C8orf34: variants seen among roughly 807,000 people sequenced by gnomAD.
C8orf34 encodes the protein uncharacterized protein C8orf34.
In C8orf34, 65 loss-of-function variants were observed where a neutral mutation model predicts 68.3. The ratio of observed to expected loss-of-function variants is 0.95; its 90% CI spans 0.78 to 1.17. The LOEUF is 1.17. Ranked by LOEUF, C8orf34 falls within the 50% of genes most tolerant of loss-of-function variation. The pLI is 0.00. For synonymous variants in C8orf34, 244 were observed against 241.2 expected, an observed-to-expected ratio of 1.01 and a Z score of -0.11; for missense variants, 664 against 655.4, an observed-to-expected ratio of 1.01 and a Z score of -0.14.
chr8:68,489,512 A>G (rs561571295), intron 5 of C8orf34, among the ~76,000 whole-genome samples: 25 of 152,350 alleles, frequency 1.6e-4, no homozygotes, highest in Middle Eastern at 3.4e-3. Flanking sequence ...TTTGTGTTTC[A>G]TATACATTTT....
At chr8:68,626,926 A>T (rs1352749158) in intron 7 of C8orf34, among the ~76,000 whole-genome samples, 1 of 152,162 alleles carries the variant, frequency 6.6e-6, no homozygotes, top group Non-Finnish European at 1.5e-5. Flanking sequence ...AAAAAGACTG[A>T]CTTAACTCTC....
At chr8:68,550,417 A>G (rs1294227040) in intron 7 of C8orf34, among the ~76,000 whole-genome samples, 2 of 151,846 alleles carry the variant, frequency 1.3e-5, no homozygotes, top group Admixed American at 6.6e-5. Flanking sequence ...TATTATTGCC[A>G]TCATTTACTT....
chr8:68,412,114 C>T (rs1047057866), intron 1 of C8orf34, among the ~76,000 whole-genome samples: 2 of 152,170 alleles, frequency 1.3e-5, no homozygotes, highest in African/African-American at 4.8e-5. Context: ...TCTTGGACTT[C>T]TCAGCCTCCA....
intron 1 of C8orf34, among the ~76,000 whole-genome samples, chr8:68,423,736 C>T (rs1810085048): frequency 6.6e-6 from 1 of 152,074 alleles, no homozygotes; most frequent in Non-Finnish European, 1.5e-5. Context: ...TGAAGAAATA[C>T]CCAAGACTGG....
chr8:68,471,711 T>C (rs1812384708), intron 4 of C8orf34, among the ~76,000 whole-genome samples: 1 of 152,126 alleles, frequency 6.6e-6, no homozygotes, highest in Admixed American at 6.6e-5. Flanking sequence ...AGTGGCATAA[T>C]CATTGATGCA....
Position 68,439,620 on chromosome 8 carries a change from C to G in C8orf34, c.449C>G (p.Ala150Gly), listed in dbSNP as rs1378687027. The change falls in exon 2 of 14, where the codon GCT becomes GGT. Residue 150 changes from alanine (A) to glycine (G), a missense_variant. Transcript: ENST00000518698. The stretch of plus-strand genomic sequence containing the variant: ...CAAAGAACTTTGTCTGGATCTGCAG[C>G]TCTATGGGCAGAAAGTGAAAAATCA... ...QLQRTLSGSA[A>G]LWAESEKSES... 2 of 1,612,408 alleles carry G rather than the reference C, an allele frequency of 1.2e-6. No individual in the cohort carries two copies. The highest frequency in any genetic ancestry group is 2.2e-5 in the East Asian group (1 of 44,794).
intron 12 of C8orf34, among the ~76,000 whole-genome samples, chr8:68,813,103 T>A (rs1443978573): frequency 4.6e-5 from 7 of 152,226 alleles, no homozygotes; most frequent in African/African-American, 1.7e-4. Flanking sequence ...CATATGGCGT[T>A]ATCCTCAAGA....
At chr8:68,356,377 A>T (rs1806749520) in intron 1 of C8orf34, among the ~76,000 whole-genome samples, 1 of 152,120 alleles carries the variant, frequency 6.6e-6, no homozygotes, top group Non-Finnish European at 1.5e-5. Flanking sequence ...ATCTACCGAG[A>T]AAAATAAACA....
intron 10 of C8orf34, among the ~76,000 whole-genome samples, chr8:68,762,529 T>G (rs886585251): frequency 5.9e-5 from 9 of 152,234 alleles, no homozygotes; most frequent in African/African-American, 2.2e-4. Flanking sequence ...GGCTTTTAGA[T>G]TCCCAGACTT....
chr8:68,709,116 A>G, intron 9 of C8orf34, 37 bp downstream of exon 9: 1 of 1,469,252 alleles, frequency 6.8e-7, no homozygotes, highest in Non-Finnish European at 9.5e-7. Context: ...TTGCAGTTCT[A>G]GTGGCACTTA....
chr8:68,818,568 T>C lies in C8orf34; in HGVS notation c.*322T>C. 4.3e-6 allele frequency: 1 copy of C among 230,822 alleles called. No individual in the cohort carries two copies. Among genetic ancestry groups the C allele is most frequent in the Non-Finnish European group, 8.3e-6 (1 of 120,972 alleles). The allele number at this position is 230,822 out of a possible 1,614,324, so 14.3% of individuals were successfully genotyped here. A position where few individuals can be genotyped will look rare whatever the true frequency, so the allele number is the denominator to read the frequency against. On this transcript the variant is annotated 3_prime_UTR_variant, in exon 14 of 14. Coordinates refer to ENST00000518698, the MANE Select transcript of C8orf34 (RefSeq NM_052958.4). ...TATTGCCTGATTCAAATAACTTTGC[T>C]TAAAATTTTTCTGTATTTTAACTTG...
chr8:68,525,515 C>T lies in C8orf34; in HGVS notation c.938+3544C>T, dbSNP rs1014106177. ...TTTTATTTGTAAGTATGTATTACAT[C>T]CCTAGAAAAAGAATCCCAGGATTTT... On this transcript the variant is annotated intron_variant, in intron 6 of 13. Coordinates refer to ENST00000518698, the MANE Select transcript of C8orf34 (RefSeq NM_052958.4). The T allele has an allele frequency of 2.0e-5, 15 of 768,366 alleles. No individual in the cohort carries two copies. In the Admixed American group the frequency reaches 3.0e-4, roughly 15 times the overall value. 47.6% of individuals were successfully genotyped at this position (768,366 alleles called of 1,614,324 possible). A position where few individuals can be genotyped will look rare whatever the true frequency, so the allele number is the denominator to read the frequency against.
intron 5 of C8orf34, among the ~76,000 whole-genome samples, chr8:68,519,022 A>G (rs940178410): frequency 6.6e-6 from 1 of 152,180 alleles, no homozygotes; most frequent in Non-Finnish European, 1.5e-5. Flanking sequence ...GTACGATGAT[A>G]AAATGTGCTT....
At chr8:68,699,774 T>A (rs1022439000) in intron 8 of C8orf34, among the ~76,000 whole-genome samples, 1 of 152,080 alleles carries the variant, frequency 6.6e-6, no homozygotes, top group Non-Finnish European at 1.5e-5. Context: ...TAATTAGCAG[T>A]CCAGATAAGA....
At chr8:68,452,771 A>G (rs1282800318) in intron 3 of C8orf34, among the ~76,000 whole-genome samples, 2 of 150,758 alleles carry the variant, frequency 1.3e-5, no homozygotes. Flanking sequence ...ATTTTGATGA[A>G]GCTCAATTGA....
At chr8:68,739,157 T>C (rs1822208085) in intron 10 of C8orf34, among the ~76,000 whole-genome samples, 1 of 152,200 alleles carries the variant, frequency 6.6e-6, no homozygotes, top group African/African-American at 2.4e-5. Flanking sequence ...TCAATAAATG[T>C]GGTTCATCAC....
At chr8:68,516,793 A>C (rs1237089330) in intron 5 of C8orf34, among the ~76,000 whole-genome samples, 1 of 152,006 alleles carries the variant, frequency 6.6e-6, no homozygotes, top group East Asian at 1.9e-4. Flanking sequence ...GGCGTGTGCC[A>C]CCACGCCCAG....
At position 68,468,594 on chromosome 8, in the gene C8orf34, A is replaced by G. The variant is rs1166049754; in HGVS notation, c.608-98A>G. 22 of 1,202,970 alleles carry G rather than the reference A, an allele frequency of 1.8e-5. 1 individual carries two copies. Among genetic ancestry groups the G allele is most frequent in the Non-Finnish European group, 2.5e-5 (22 of 879,336 alleles). 74.5% of individuals were successfully genotyped at this position (1,202,970 alleles called of 1,614,324 possible). ...CTTCAAGATAAACACTTTTTATTCT[A>G]TACATTGATCTTGGTACAGTCTTTC... is the stretch of plus-strand genomic sequence containing the variant. On this transcript the variant is annotated intron_variant, in intron 3 of 13. Transcript: ENST00000518698.
chr8:68,655,452 TA>T (rs1819484996), intron 8 of C8orf34, among the ~76,000 whole-genome samples: 1 of 152,216 alleles, frequency 6.6e-6, no homozygotes, highest in African/African-American at 2.4e-5. Context: ...TGGTTCAACT[TA>T]CCATTTTTCA....
Sources: allele counts gnomAD v4.1 joint callset (sites outside exome capture counted in the v4.1 genomes callset), GRCh38; gene constraint gnomAD v4.1.1; transcripts MANE v1.5; gene names NCBI Gene and HGNC (gene_info 2026-07-23, HGNC 2026-07-21).